GPRASP2: variants seen among roughly 807,000 people sequenced by gnomAD.
GPRASP2 encodes the protein G protein-coupled receptor-associated sorting protein 2.
GPRASP2 carries 10 observed loss-of-function variants against 36.0 expected under a neutral mutation model. The ratio of observed to expected loss-of-function variants is 0.28; its 90% CI spans 0.17 to 0.47. The LOEUF is 0.47. Ranked by LOEUF, GPRASP2 falls within the 20% of genes least tolerant of loss-of-function variation. The pLI is 0.99. For synonymous variants in GPRASP2, 219 were observed against 230.5 expected (o/e 0.95, Z 0.45); for missense variants, 538 against 626.7 (o/e 0.86, Z 1.51).
Position 102,715,415 on chromosome X carries a change from C to T in GPRASP2, c.546C>T (p.Thr182=). The T allele has an allele frequency of 8.2e-7, 1 of 1,212,272 alleles. No homozygotes were observed. The highest frequency in any genetic ancestry group is 1.1e-6 in the Non-Finnish European group (1 of 895,626). Reference sequence around the variant, plus strand: ...AACTAGTCAATGTGGATGCTGAAACCTTTCCTGGCACCCAGGGTCAGAAAG... The same window carrying T: ...AACTAGTCAATGTGGATGCTGAAACTTTTCCTGGCACCCAGGGTCAGAAAG... ...DRELVNVDAE[T]FPGTQGQKGI... is the part of the protein sequence containing the mutation. The change falls in exon 5 of 5, where the codon ACC becomes ACT. Residue 182 remains threonine, a synonymous_variant. Transcript: ENST00000483720.
chrX:102,716,172 G>T lies in GPRASP2; in HGVS notation c.1303G>T (p.Ala435Ser). Residue 435 changes from alanine (A) to serine (S), a missense_variant, in exon 5 of 5, where the codon GCC becomes TCC. This residue lies in a region of GPRASP2 where 262 missense variants were observed against 351.7 expected (regional missense o/e 0.74). Transcript: ENST00000483720. ...GGAAAAGTCCAGTTTGGGGGCTGTG[G>T]CCAGAGAAGAGGCCAAGCCGGAGTC... is the stretch of plus-strand genomic sequence containing the variant. ...AEEKSSLGAV[A>S]REEAKPESEE... is the part of the protein sequence containing the mutation. The T allele has an allele frequency of 8.3e-7, 1 of 1,209,445 alleles. No individual in the cohort carries two copies. Among genetic ancestry groups the T allele is most frequent in the South Asian group, 1.8e-5 (1 of 56,311 alleles).
intron 1 of GPRASP2, 154 bp from the exon 2 acceptor site, chrX:102,712,976 G>C (rs1416232425): frequency 8.9e-6 from 1 of 112,046 alleles, no homozygotes; most frequent in Non-Finnish European, 1.9e-5. Flanking sequence ...GCGGGGGTCG[G>C]CGTCCCGGCT....
Position 102,714,557 on chromosome X carries a change from C to T in GPRASP2, c.-313C>T. On this transcript the variant is annotated 5_prime_UTR_variant, in exon 5 of 5. Coordinates refer to ENST00000483720, the MANE Select transcript of GPRASP2 (RefSeq NM_001004051.4). Reference sequence around the variant, plus strand: ...CCTAGATCCACCTCCAGTGGCTGCTCTGCTGGTGGTGGAGTTGCTGCTGAC... The same window carrying T: ...CCTAGATCCACCTCCAGTGGCTGCTTTGCTGGTGGTGGAGTTGCTGCTGAC... The T allele has an allele frequency of 3.5e-6, 1 of 285,745 alleles. No homozygotes were observed. The highest frequency in any genetic ancestry group is 9.4e-5 in the South Asian group (1 of 10,666). The allele number at this position is 285,745 out of a possible 1,213,427, so 23.5% of individuals were successfully genotyped here.
rs749785999 is a variant in GPRASP2 at position 102,716,460 on chromosome X, C to T, written c.1591C>T (p.Leu531=). 3 of 1,210,638 alleles carry T rather than the reference C, an allele frequency of 2.5e-6. No homozygotes were observed. Among genetic ancestry groups the T allele is most frequent in the Middle Eastern group, 2.3e-4 (1 of 4,367 alleles). ...SEMLEAKPKN[L]ELSPEGEEQE... The stretch of plus-strand genomic sequence containing the variant: ...AATGCTTGAGGCAAAGCCCAAGAAC[C>T]TGGAACTTAGCCCAGAAGGAGAAGA... Residue 531 remains leucine (L), a synonymous_variant, in exon 5 of 5, where the codon CTG becomes TTG. Coordinates refer to ENST00000483720, the MANE Select transcript of GPRASP2 (RefSeq NM_001004051.4).
chrX:102,716,649 G>A lies in GPRASP2; in HGVS notation c.1780G>A (p.Gly594Ser), dbSNP rs2081969580. The change falls in exon 5 of 5, where the codon GGT (glycine) becomes AGT (serine). Residue 594 changes from glycine to serine, a missense_variant. Gly to Ser is a moderately conservative substitution (Grantham distance 56). Coordinates refer to ENST00000483720, the MANE Select transcript of GPRASP2 (RefSeq NM_001004051.4). ...CTGCATACAATGTGAGCTGAAAATTGGTTCTGAAGAGTTTGAAGAATTCCT... is the reference window on the plus strand; with the variant it reads ...CTGCATACAATGTGAGCTGAAAATTAGTTCTGAAGAGTTTGAAGAATTCCT... ...CSCIQCELKI[G>S]SEEFEEFLLL... 8.3e-7 allele frequency: 1 copy of A among 1,210,236 alleles called. No individual in the cohort carries two copies. The highest frequency in any genetic ancestry group is 1.1e-6 in the Non-Finnish European group (1 of 895,332).
chrX:102,716,152 A>T lies in GPRASP2; in HGVS notation c.1283A>T (p.Lys428Met). The T allele has an allele frequency of 8.3e-7, 1 of 1,205,400 alleles. No individual in the cohort carries two copies. Among genetic ancestry groups the T allele is most frequent in the Non-Finnish European group, 1.1e-6 (1 of 893,064 alleles). ...IGGSAYWAEE[K>M]SSLGAVAREE... ...GGATCCGCGTACTGGGCTGAGGAAA[A>T]GTCCAGTTTGGGGGCTGTGGCCAGA... Residue 428 changes from lysine (K) to methionine (M), a missense_variant, in exon 5 of 5, where the codon AAG (lysine) becomes ATG (methionine). Physicochemically the swap from Lys to Met is moderately conservative, Grantham distance 95. Coordinates refer to ENST00000483720, the MANE Select transcript of GPRASP2 (RefSeq NM_001004051.4).
rs757664565 is a variant in GPRASP2, at chrX:102,717,080, C to T, written c.2211C>T (p.His737=). 5 of 1,204,582 alleles carry T rather than the reference C, an allele frequency of 4.2e-6. No individual in the cohort carries two copies. The highest frequency in any genetic ancestry group is 4.4e-5 in the Admixed American group (2 of 45,865). Residue 737 remains histidine (H), a synonymous_variant, in exon 5 of 5, where the codon CAC becomes CAT. Transcript: ENST00000483720. ...LTTANARTKF[H]VLKMLLNLSE... is the part of the protein sequence containing the mutation. ...CAGCCAATGCGAGAACGAAGTTTCA[C>T]GTTCTGAAAATGCTATTGAATTTGT...
chrX:102,716,290 G>A lies in GPRASP2; in HGVS notation c.1421G>A (p.Arg474Lys). Residue 474 changes from arginine (R) to lysine (K), a missense_variant, in exon 5 of 5, where the codon AGG becomes AAG. Arg to Lys is a conservative substitution (Grantham distance 26). This residue lies in a region of GPRASP2 where 262 missense variants were observed against 351.7 expected (regional missense o/e 0.74). Transcript: ENST00000483720. ...NPCPVYKVSDRFRDAAEELNA... is the reference protein window; with the variant it reads ...NPCPVYKVSDKFRDAAEELNA... ...TGTCCTGTGTACAAGGTCAGTGATA[G>A]GTTCAGAGATGCAGCTGAGGAGCTT... 1 of 1,212,055 alleles carries A rather than the reference G, an allele frequency of 8.3e-7. No homozygotes were observed. Among genetic ancestry groups the A allele is most frequent in the South Asian group, 1.8e-5 (1 of 56,996 alleles).
chrX:102,717,475 A>G lies in GPRASP2; in HGVS notation c.*89A>G. 1.0e-6 allele frequency: 1 copy of G among 983,307 alleles called. No homozygotes were observed. Among genetic ancestry groups the G allele is most frequent in the Non-Finnish European group, 1.3e-6 (1 of 771,302 alleles). The allele number at this position is 983,307 out of a possible 1,213,427, so 81.0% of individuals were successfully genotyped here. A position where few individuals can be genotyped will look rare whatever the true frequency, so the allele number is the denominator to read the frequency against. Reference sequence around the variant, plus strand: ...TGTTCACAGTCTGTTTTTTTGTTGTAACTTATATTTTTTAATGCTGATGTT... The same window carrying G: ...TGTTCACAGTCTGTTTTTTTGTTGTGACTTATATTTTTTAATGCTGATGTT... On this transcript the variant is annotated 3_prime_UTR_variant, in exon 5 of 5. Coordinates refer to ENST00000483720, the MANE Select transcript of GPRASP2 (RefSeq NM_001004051.4).
At position 102,716,133 on chromosome X, in the gene GPRASP2, G is replaced by T. The variant is rs763037008; in HGVS notation, c.1264G>T (p.Ala422Ser). Residue 422 changes from alanine to serine, a missense_variant, in exon 5 of 5, where the codon GCG becomes TCG. Physicochemically the swap from Ala to Ser is moderately conservative, Grantham distance 99. This residue lies in a region of GPRASP2 where 262 missense variants were observed against 351.7 expected (regional missense o/e 0.74). Coordinates refer to ENST00000483720, the MANE Select transcript of GPRASP2 (RefSeq NM_001004051.4). The stretch of plus-strand genomic sequence containing the variant: ...TGAGGAGGGGGCCATTGGCGGATCC[G>T]CGTACTGGGCTGAGGAAAAGTCCAG... ...GTEEGAIGGS[A>S]YWAEEKSSLG... 2 of 1,195,120 alleles carry T rather than the reference G, an allele frequency of 1.7e-6. No homozygotes were observed. Among genetic ancestry groups the T allele is most frequent in the Admixed American group, 2.3e-5 (1 of 43,911 alleles).
chrX:102,714,898 C>T lies in GPRASP2; in HGVS notation c.29C>T (p.Ala10Val). The T allele has an allele frequency of 3.3e-6, 4 of 1,211,400 alleles. No individual in the cohort carries two copies. Among genetic ancestry groups the T allele is most frequent in the Non-Finnish European group, 4.5e-6 (4 of 895,277 alleles). MTGAEIEPS[A>V]QAKPEKKAGE... ...ACTGGGGCAGAGATTGAGCCTAGTG[C>T]CCAGGCCAAGCCTGAAAAGAAGGCT... Residue 10 changes from alanine (A) to valine (V), a missense_variant, in exon 5 of 5, where the codon GCC (alanine) becomes GTC (valine). Around this residue, in one of 2 missense-constraint regions of GPRASP2, gnomAD observed 276 missense variants for 275.0 expected, o/e 1.00. Coordinates refer to ENST00000483720, the MANE Select transcript of GPRASP2 (RefSeq NM_001004051.4).
Position 102,714,693 on chromosome X carries a change from T to G in GPRASP2, c.-177T>G. 1.4e-6 allele frequency: 1 copy of G among 696,191 alleles called. No individual in the cohort carries two copies. Among genetic ancestry groups the G allele is most frequent in the East Asian group, 3.5e-5 (1 of 28,350 alleles). The allele number at this position is 696,191 out of a possible 1,213,427, so 57.4% of individuals were successfully genotyped here. On this transcript the variant is annotated 5_prime_UTR_variant, in exon 5 of 5. Transcript: ENST00000483720. The stretch of plus-strand genomic sequence containing the variant: ...ATTGAATTATTGACTGAGACTGTGT[T>G]TGGGAAGGAGGCTGAGTGACTACTG...
At position 102,714,954 on chromosome X, in the gene GPRASP2, G is replaced by C. The variant is rs760340665; in HGVS notation, c.85G>C (p.Glu29Gln). 6.6e-6 allele frequency: 8 copies of C among 1,211,463 alleles called. No homozygotes were observed. The East Asian group carries it at 1.5e-4, about 22-fold the overall frequency. Residue 29 changes from glutamate to glutamine, a missense_variant, in exon 5 of 5, where the codon GAG (glutamate) becomes CAG (glutamine). Around this residue, in one of 2 missense-constraint regions of GPRASP2, gnomAD observed 276 missense variants for 275.0 expected, o/e 1.00. Transcript: ENST00000483720. The part of the protein sequence containing the change: ...GEEVIAGPER[E>Q]NDVPLVVRPK... ...AGAGGTTATCGCTGGGCCTGAGAGA[G>C]AGAATGATGTCCCTCTGGTGGTCAG... is the stretch of plus-strand genomic sequence containing the variant.
At position 102,716,972 on chromosome X, in the gene GPRASP2, G is replaced by A. The variant is rs779831055; in HGVS notation, c.2103G>A (p.Arg701=). The change falls in exon 5 of 5, where the codon AGG becomes AGA. Residue 701 remains arginine (R), a synonymous_variant. Transcript: ENST00000483720. ...CCCTTGAGCAGCTGACTGGAATAAG[G>A]ATGCTTAGACACCTCACTATGACTA... ...VDSLEQLTGI[R]MLRHLTMTID... 13 of 1,201,364 alleles carry A rather than the reference G, an allele frequency of 1.1e-5. No homozygotes were observed. The South Asian group carries it at 2.0e-4, about 18-fold the overall frequency.
Position 102,716,483 on chromosome X carries a change from A to T in GPRASP2, c.1614A>T (p.Glu538Asp). 8.2e-7 allele frequency: 1 copy of T among 1,212,220 alleles called. No homozygotes were observed. The highest frequency in any genetic ancestry group is 1.7e-5 in the African/African-American group (1 of 57,897). The change falls in exon 5 of 5, where the codon GAA (glutamate) becomes GAT (aspartate). Residue 538 changes from glutamate to aspartate, a missense_variant. By Grantham distance (45) the Glu-to-Asp change is conservative. This residue lies in a region of GPRASP2 where 262 missense variants were observed against 351.7 expected (regional missense o/e 0.74). Coordinates refer to ENST00000483720, the MANE Select transcript of GPRASP2 (RefSeq NM_001004051.4). The part of the protein sequence containing the change: ...PKNLELSPEG[E>D]EQESLLQPDQ... The stretch of plus-strand genomic sequence containing the variant: ...ACCTGGAACTTAGCCCAGAAGGAGA[A>T]GAGCAGGAATCTTTGCTTCAGCCTG...
Position 102,717,044 on chromosome X carries a change from C to G in GPRASP2, c.2175C>G (p.Ser725=). The change falls in exon 5 of 5, where the codon TCC becomes TCG. Residue 725 remains serine, a synonymous_variant. Coordinates refer to ENST00000483720, the MANE Select transcript of GPRASP2 (RefSeq NM_001004051.4). The part of the protein sequence containing the change: ...LIANYMSGFL[S]LLTTANARTK... ...CCAACTATATGTCCGGGTTTCTCTC[C>G]TTATTAACCACAGCCAATGCGAGAA... 8.3e-7 allele frequency: 1 copy of G among 1,201,299 alleles called. No homozygotes were observed. Among genetic ancestry groups the G allele is most frequent in the Non-Finnish European group, 1.1e-6 (1 of 887,407 alleles).
At position 102,714,967 on chromosome X, in the gene GPRASP2, C is replaced by T. The variant is rs1253013265; in HGVS notation, c.98C>T (p.Pro33Leu). 8.3e-7 allele frequency: 1 copy of T among 1,211,411 alleles called. No individual in the cohort carries two copies. The highest frequency in any genetic ancestry group is 1.1e-6 in the Non-Finnish European group (1 of 895,550). The change falls in exon 5 of 5, where the codon CCT becomes CTT. Residue 33 changes from proline (P) to leucine (L), a missense_variant. Physicochemically the swap from Pro to Leu is moderately conservative, Grantham distance 98 (BLOSUM62 -3). This residue lies in a region of GPRASP2 where 276 missense variants were observed against 275.0 expected (regional missense o/e 1.00). Transcript: ENST00000483720. Reference sequence around the variant, plus strand: ...GGGCCTGAGAGAGAGAATGATGTCCCTCTGGTGGTCAGACCCAAGGTTAGG... The same window carrying T: ...GGGCCTGAGAGAGAGAATGATGTCCTTCTGGTGGTCAGACCCAAGGTTAGG... ...IAGPERENDVPLVVRPKVRTQ... is the reference protein window; with the variant it reads ...IAGPERENDVLLVVRPKVRTQ...
chrX:102,714,686 A>T lies in GPRASP2; in HGVS notation c.-184A>T, dbSNP rs1440912617. The stretch of plus-strand genomic sequence containing the variant: ...CTGTATTATTGAATTATTGACTGAG[A>T]CTGTGTTTGGGAAGGAGGCTGAGTG... On this transcript the variant is annotated 5_prime_UTR_variant, in exon 5 of 5. Transcript: ENST00000483720. 1 of 641,869 alleles carries T rather than the reference A, an allele frequency of 1.6e-6. No individual in the cohort carries two copies. Among genetic ancestry groups the T allele is most frequent in the East Asian group, 3.6e-5 (1 of 27,935 alleles). The allele number at this position is 641,869 out of a possible 1,213,427, so 52.9% of individuals were successfully genotyped here. A position where few individuals can be genotyped will look rare whatever the true frequency, so the allele number is the denominator to read the frequency against.
rs1307684195 is a variant in GPRASP2 at position 102,713,781 on chromosome X, G to A, written c.-479-1G>A. The A allele has an allele frequency of 2.7e-5, 3 of 112,479 alleles. No individual in the cohort carries two copies. The highest frequency in any genetic ancestry group is 5.6e-5 in the Non-Finnish European group (3 of 53,300). 9.3% of individuals were successfully genotyped at this position (112,479 alleles called of 1,213,427 possible). On this transcript the variant is annotated splice_acceptor_variant, in intron 2 of 4. Transcript: ENST00000483720. LOFTEE classifies it low-confidence loss of function (5UTR_SPLICE). ...TTACTTTTTCATGTGTTTGTCCATA[G>A]GCCTACTTTAAGGCTGGCCAATTCT... is the stretch of plus-strand genomic sequence containing the variant.
Sources: gnomAD v4.1 joint callset for allele counts on GRCh38, gnomAD v4.1.1 for gene constraint, gnomAD v4.1.1 regional missense constraint, MANE v1.5 for transcripts, NCBI Gene and HGNC (gene_info 2026-07-23, HGNC 2026-07-21) for gene names.